The following EYS variants were observed in gnomAD, a reference collection of about 807,000 sequenced individuals.
The protein encoded by EYS is protein eyes shut homolog.
In EYS, 250 loss-of-function variants were observed where a neutral mutation model predicts 282.1. The ratio of observed to expected loss-of-function variants is 0.89; its 90% CI spans 0.80 to 0.98. The LOEUF (loss-of-function observed/expected upper bound fraction) is 0.98, where lower values mean the gene tolerates loss of function less well. EYS is among the 50% of genes least tolerant of loss of function. The pLI is 0.00. For missense variants in EYS, 4,016 were observed against 3,709.0 expected (o/e 1.08, Z -2.15); for synonymous variants, 1,355 against 1,282.9 (o/e 1.06, Z -1.20).
chr6:63,893,742 C>T (rs1027003340), intron 35 of EYS, among the ~76,000 whole-genome samples: 1 of 151,956 alleles, frequency 6.6e-6, no homozygotes, highest in Non-Finnish European at 1.5e-5. Flanking sequence ...GTAATAAAAA[C>T]AGTGAAAAAG....
chr6:64,149,959 C>T (rs1189816301), intron 31 of EYS, among the ~76,000 whole-genome samples: 2 of 152,166 alleles, frequency 1.3e-5, no homozygotes, highest in East Asian at 3.9e-4. Flanking sequence ...TGTCAAAGTG[C>T]TCTGTCAACT....
chr6:64,192,364 T>G (rs1438160870), intron 31 of EYS, among the ~76,000 whole-genome samples: 2 of 152,214 alleles, frequency 1.3e-5, no homozygotes, highest in East Asian at 3.8e-4. Context: ...TTGGCTTTTG[T>G]TGCCATTGCT....
intron 12 of EYS, among the ~76,000 whole-genome samples, chr6:65,158,422 A>G (rs1038654295): frequency 6.6e-6 from 1 of 150,906 alleles, no homozygotes. Context: ...TTTAAAATTA[A>G]TGCCCAGTAA....
At chr6:65,540,326 G>A (rs559520760) in intron 2 of EYS, among the ~76,000 whole-genome samples, 76 of 152,252 alleles carry the variant, frequency 5.0e-4, no homozygotes, top group African/African-American at 1.8e-3. Flanking sequence ...TAAAGAGGGT[G>A]AGGAGAAAGG....
chr6:63,831,000 A>G lies in EYS; in HGVS notation c.7229-24628T>C, dbSNP rs531809699. ...AAGTGAAGGAGAAATAAAATCCTTT[A>G]CAGACAAACAAATGCTGAGAGATTT... is the stretch of plus-strand genomic sequence containing the variant. On this transcript the variant is annotated intron_variant, in intron 36 of 42. Coordinates refer to ENST00000503581, the MANE Select transcript of EYS (RefSeq NM_001142800.2). Among the ~76,000 whole-genome samples the G allele has an allele frequency of 1.7e-4, 26 of 152,346 alleles. No individual in the cohort carries two copies. The South Asian group carries it at 5.4e-3, about 32-fold the overall frequency.
intron 18 of EYS, among the ~76,000 whole-genome samples, chr6:64,890,052 C>T (rs939699403): frequency 6.7e-6 from 1 of 149,942 alleles, no homozygotes; most frequent in Non-Finnish European, 1.5e-5. Flanking sequence ...AATGCCCCCC[C>T]CCCCCAAGGT....
chr6:64,229,048 G>A (rs1766336757), intron 31 of EYS, among the ~76,000 whole-genome samples: 1 of 152,098 alleles, frequency 6.6e-6, no homozygotes, highest in Admixed American at 6.6e-5. Context: ...TGAGGCGGGT[G>A]GATCACCTAA....
chr6:64,754,600 A>G (rs1772872448), intron 22 of EYS, among the ~76,000 whole-genome samples: 1 of 152,190 alleles, frequency 6.6e-6, no homozygotes, highest in Non-Finnish European at 1.5e-5. Context: ...AAATGCTAGT[A>G]AACCAATTTC....
intron 12 of EYS, among the ~76,000 whole-genome samples, chr6:65,223,227 C>A (rs929640894): frequency 6.6e-6 from 1 of 151,914 alleles, no homozygotes; most frequent in African/African-American, 2.4e-5. Context: ...ATTAGCTGGG[C>A]GTGGTGGTAG....
At chr6:63,878,762 GGGAC>G (rs1773048257) in intron 35 of EYS, among the ~76,000 whole-genome samples, 1 of 152,200 alleles carries the variant, frequency 6.6e-6, no homozygotes, top group South Asian at 2.1e-4. Flanking sequence ...CTATGGGTGT[GGGAC>G]CCTCTGAGCC....
At chr6:63,919,500 C>G (rs1764511927) in intron 35 of EYS, among the ~76,000 whole-genome samples, 1 of 151,802 alleles carries the variant, frequency 6.6e-6, no homozygotes, top group South Asian at 2.1e-4. Flanking sequence ...ATTTTATTTC[C>G]TATCTCCCTT....
chr6:64,912,787 CAA>C, intron 15 of EYS, 44 bp from the exon 16 acceptor site: 1 of 1,266,786 alleles, frequency 7.9e-7, no homozygotes, highest in Non-Finnish European at 1.0e-6. Flanking sequence ...AACTCTTTTT[CAA>C]GTTTATTTTT....
At chr6:63,947,337 T>C (rs1765428822) in intron 35 of EYS, among the ~76,000 whole-genome samples, 1 of 152,030 alleles carries the variant, frequency 6.6e-6, no homozygotes, top group Admixed American at 6.6e-5. Context: ...TCAGAGTTGT[T>C]GGGACAATTA....
intron 13 of EYS, among the ~76,000 whole-genome samples, chr6:64,998,697 A>C (rs2150126372): frequency 6.6e-6 from 1 of 152,328 alleles, no homozygotes; most frequent in Admixed American, 6.5e-5. Context: ...TTGACTACAA[A>C]TTGTTAATAA....
At chr6:64,771,353 T>C (rs1206334606) in intron 22 of EYS, among the ~76,000 whole-genome samples, 1 of 151,734 alleles carries the variant, frequency 6.6e-6, no homozygotes, top group Non-Finnish European at 1.5e-5. Flanking sequence ...ATCTACACTT[T>C]TGTCATTACT....
chr6:64,987,553 T>C (rs1174274649), intron 14 of EYS, among the ~76,000 whole-genome samples: 4 of 151,512 alleles, frequency 2.6e-5, no homozygotes, highest in Non-Finnish European at 5.9e-5. Context: ...TTGTGAGTCC[T>C]GTGGGCAGCT....
chr6:65,185,117 A>G (rs1273294747), intron 12 of EYS, among the ~76,000 whole-genome samples: 2 of 151,742 alleles, frequency 1.3e-5, no homozygotes, highest in Admixed American at 6.6e-5. Flanking sequence ...TTTCATTTTT[A>G]TCATGAAGAA....
At chr6:65,407,497 G>T (rs912111914) in intron 5 of EYS, among the ~76,000 whole-genome samples, 2 of 151,946 alleles carry the variant, frequency 1.3e-5, no homozygotes, top group African/African-American at 4.8e-5. Flanking sequence ...CTCATGATCT[G>T]CCCGTCTCGG....
intron 26 of EYS, among the ~76,000 whole-genome samples, chr6:64,533,199 A>C (rs1349208097): frequency 1.3e-5 from 2 of 152,198 alleles, no homozygotes; most frequent in African/African-American, 2.4e-5. Flanking sequence ...AGATCAGAGC[A>C]TATGATGCCT....
Sources: gnomAD v4.1 joint callset for allele counts (sites outside exome capture counted in the v4.1 genomes callset) on GRCh38, gnomAD v4.1.1 for gene constraint, MANE v1.5 for transcripts, NCBI Gene and HGNC (gene_info 2026-07-23, HGNC 2026-07-21) for gene names.